Variants in SCFD2 observed in about 807,000 individuals in gnomAD.
SCFD2 encodes sec1 family domain-containing protein 2.
Under a neutral mutation model 58.9 loss-of-function variants are expected in SCFD2, and 54 were observed. The observed-to-expected ratio is 0.92, with a 90% CI of 0.74 to 1.15. The LOEUF is 1.15. Ranked by LOEUF, SCFD2 falls within the 50% of genes most tolerant of loss-of-function variation. The pLI, the probability that SCFD2 is intolerant of heterozygous loss-of-function variation, is 0.00. For missense variants in SCFD2, 805 were observed against 836.6 expected (o/e 0.96, Z 0.47); for synonymous variants, 321 against 335.9 (o/e 0.96, Z 0.49).
intron 5 of SCFD2, among the ~76,000 whole-genome samples, chr4:52,937,855 G>T (rs1033506886): frequency 2.6e-5 from 4 of 152,134 alleles, no homozygotes; most frequent in South Asian, 2.1e-4. Flanking sequence ...GTTCATTCTG[G>T]ATCCTGAAAA....
At chr4:53,074,925 A>T (rs756885663) in intron 5 of SCFD2, among the ~76,000 whole-genome samples, 1 of 152,160 alleles carries the variant, frequency 6.6e-6, no homozygotes, top group Non-Finnish European at 1.5e-5. Context: ...AAGCTGCATT[A>T]GCCCCTTGAA....
chr4:52,902,205 C>T (rs557252497), intron 7 of SCFD2, among the ~76,000 whole-genome samples: 1 of 152,330 alleles, frequency 6.6e-6, no homozygotes, highest in East Asian at 1.9e-4. Context: ...TGTGAAACAG[C>T]TTGTCATGGC....
In SCFD2 at chr4:53,177,202, T is replaced by C. The variant is rs533831282; in HGVS notation, c.1312-31620A>G. On this transcript the variant is annotated intron_variant, in intron 4 of 8. Coordinates refer to ENST00000401642, the MANE Select transcript of SCFD2 (RefSeq NM_152540.4). ...AACATAGGTCATCCCCTTATAAAGC[T>C]TAGAGTCTAGTGGGGGATAGAATCA... is the stretch of plus-strand genomic sequence containing the variant. Among the ~76,000 whole-genome samples the C allele has an allele frequency of 1.2e-4, 19 of 152,320 alleles. 1 individual carries two copies. Among genetic ancestry groups the C allele is most frequent in the South Asian group, 2.1e-4 (1 of 4,830 alleles).
At chr4:52,991,566 A>C (rs910470127) in intron 5 of SCFD2, among the ~76,000 whole-genome samples, 2 of 152,166 alleles carry the variant, frequency 1.3e-5, no homozygotes, top group African/African-American at 4.8e-5. Context: ...TGGCACCCAG[A>C]GACAAAGTTC....
At chr4:53,300,915 C>T (rs1441046741) in intron 3 of SCFD2, among the ~76,000 whole-genome samples, 1 of 152,148 alleles carries the variant, frequency 6.6e-6, no homozygotes, top group Non-Finnish European at 1.5e-5. Context: ...AACAAAGACA[C>T]AACATATCAG....
chr4:53,313,346 G>C (rs1314799496), intron 3 of SCFD2, among the ~76,000 whole-genome samples: 2 of 152,134 alleles, frequency 1.3e-5, no homozygotes, highest in African/African-American at 4.8e-5. Flanking sequence ...ATTAAGGAGA[G>C]GTAGTCCAGA....
At chr4:53,283,068 C>T (rs953637115) in intron 3 of SCFD2, among the ~76,000 whole-genome samples, 57 of 152,218 alleles carry the variant, frequency 3.7e-4, no homozygotes, top group African/African-American at 1.3e-3. Flanking sequence ...CTTAAATATA[C>T]GGTTCAAATA....
In SCFD2 at chr4:52,873,787, T is replaced by TTA; in HGVS notation, c.*181_*182insTA. 1 of 422,352 alleles carries TTA rather than the reference T, an allele frequency of 2.4e-6. No individual in the cohort carries two copies. Among genetic ancestry groups the TTA allele is most frequent in the Non-Finnish European group, 4.2e-6 (1 of 237,092 alleles). The allele number at this position is 422,352 out of a possible 1,614,324, so 26.2% of individuals were successfully genotyped here. A position where few individuals can be genotyped will look rare whatever the true frequency, so the allele number is the denominator to read the frequency against. ...TAAAAAAACTTTTTTTTTTTTTTTT[T>TTA]AAGAATCACAGCAATCCAAGCAAAG... On this transcript the variant is annotated 3_prime_UTR_variant, in exon 9 of 9. Coordinates refer to ENST00000401642, the MANE Select transcript of SCFD2 (RefSeq NM_152540.4).
At chr4:53,149,432 A>C (rs1406022387) in intron 4 of SCFD2, among the ~76,000 whole-genome samples, 1 of 152,258 alleles carries the variant, frequency 6.6e-6, no homozygotes, top group Non-Finnish European at 1.5e-5. Flanking sequence ...CAAAGTATAC[A>C]ATAAATATAT....
intron 4 of SCFD2, among the ~76,000 whole-genome samples, chr4:53,254,777 G>A (rs1730534446): frequency 6.6e-6 from 1 of 151,120 alleles, no homozygotes; most frequent in South Asian, 2.1e-4. Flanking sequence ...TGCCATCAGG[G>A]AAGCAAACAC....
intron 5 of SCFD2, among the ~76,000 whole-genome samples, chr4:53,113,004 C>T (rs1311952929): frequency 6.6e-6 from 1 of 152,088 alleles, no homozygotes; most frequent in African/African-American, 2.4e-5. Context: ...TCTCATAGCT[C>T]TTAGGATGAA....
chr4:53,244,796 CA>C (rs1451284753), intron 4 of SCFD2, among the ~76,000 whole-genome samples: 2 of 145,738 alleles, frequency 1.4e-5, no homozygotes, highest in Admixed American at 1.4e-4. Context: ...AAAGATCAAC[CA>C]ACCCAAGCCT....
intron 4 of SCFD2, among the ~76,000 whole-genome samples, chr4:53,220,486 A>G (rs1366946805): frequency 6.6e-6 from 1 of 152,218 alleles, no homozygotes; most frequent in African/African-American, 2.4e-5. Flanking sequence ...ATTTGTTGAA[A>G]TAACTAAGTA....
intron 3 of SCFD2, among the ~76,000 whole-genome samples, chr4:53,297,578 G>A (rs1337219480): frequency 1.3e-4 from 19 of 151,998 alleles, no homozygotes; most frequent in South Asian, 6.2e-4. Context: ...TCCGGAATAC[G>A]GCACAACAAT....
At chr4:53,057,950 G>C (rs1057354033) in intron 5 of SCFD2, among the ~76,000 whole-genome samples, 1 of 152,084 alleles carries the variant, frequency 6.6e-6, no homozygotes, top group Non-Finnish European at 1.5e-5. Flanking sequence ...AGATTGCTTA[G>C]AGGGTAGAAA....
In SCFD2 at chr4:53,332,854, G is replaced by A. The variant is rs533115940; in HGVS notation, c.1008-19091C>T. Reference sequence around the variant, plus strand: ...GATTGTATATCTAGAAAACCCCATTGTCTCAGCCCAAAATCTCCTTAAGCT... The same window carrying A: ...GATTGTATATCTAGAAAACCCCATTATCTCAGCCCAAAATCTCCTTAAGCT... On this transcript the variant is annotated intron_variant, in intron 2 of 8. Coordinates refer to ENST00000401642, the MANE Select transcript of SCFD2 (RefSeq NM_152540.4). Among the ~76,000 whole-genome samples, 27 of 150,428 alleles carry A rather than the reference G, an allele frequency of 1.8e-4. No homozygotes were observed. The South Asian group carries it at 4.7e-3, about 26-fold the overall frequency.
chr4:53,224,797 AT>A (rs1273918764), intron 4 of SCFD2, among the ~76,000 whole-genome samples: 21 of 151,366 alleles, frequency 1.4e-4, no homozygotes, highest in Non-Finnish European at 3.1e-4. Flanking sequence ...TATGATAATA[AT>A]TGTGATGTAT....
chr4:52,919,745 T>C (rs1259762333), intron 6 of SCFD2, among the ~76,000 whole-genome samples: 1 of 152,166 alleles, frequency 6.6e-6, no homozygotes, highest in Non-Finnish European at 1.5e-5. Flanking sequence ...AATGTAGAAG[T>C]GCTCTTCAGG....
intron 5 of SCFD2, among the ~76,000 whole-genome samples, chr4:53,081,182 T>A (rs1264008520): frequency 6.6e-6 from 1 of 152,218 alleles, no homozygotes; most frequent in African/African-American, 2.4e-5. Flanking sequence ...AGGTAATTGT[T>A]GTATAATCTA....
Sources: allele counts gnomAD v4.1 joint callset (sites outside exome capture counted in the v4.1 genomes callset), GRCh38; gene constraint gnomAD v4.1.1; transcripts MANE v1.5; gene names NCBI Gene and HGNC (gene_info 2026-07-23, HGNC 2026-07-21).